The following LDB2 variants were observed in gnomAD, a reference collection of about 807,000 sequenced individuals.
LDB2 encodes LIM domain-binding protein 2.
Under a neutral mutation model 44.3 loss-of-function variants are expected in LDB2, and 12 were observed. That is an observed-to-expected ratio of 0.27 (90% confidence interval 0.17 to 0.44). LDB2 has a LOEUF of 0.44. LDB2 is among the 20% of genes least tolerant of loss of function. The pLI is 1.00. For missense variants in LDB2, 344 were observed against 473.5 expected, an observed-to-expected ratio of 0.73 and a Z score of 2.54; for synonymous variants, 164 against 174.8, an observed-to-expected ratio of 0.94 and a Z score of 0.49.
Position 16,815,936 on chromosome 4 carries a change from G to A in LDB2, c.133-56676C>T, listed in dbSNP as rs185831097. On this transcript the variant is annotated intron_variant, in intron 1 of 7. Transcript: ENST00000304523. Reference sequence around the variant, plus strand: ...AATCATATTACTTCAGGCCAGGCACGGTGGCTCATGCCTATAATCCCAGCA... The same window carrying A: ...AATCATATTACTTCAGGCCAGGCACAGTGGCTCATGCCTATAATCCCAGCA... Among the ~76,000 whole-genome samples, 6 of 152,234 alleles carry A rather than the reference G, an allele frequency of 3.9e-5. No homozygotes were observed. The East Asian group carries it at 5.8e-4, about 15-fold the overall frequency.
At chr4:16,648,916 T>C (rs1737513058) in intron 2 of LDB2, among the ~76,000 whole-genome samples, 1 of 152,186 alleles carries the variant, frequency 6.6e-6, no homozygotes, top group Admixed American at 6.5e-5. Context: ...TCTAAGTAAG[T>C]ACAAAGCAGG....
At chr4:16,776,246 A>G (rs1374500417) in intron 1 of LDB2, among the ~76,000 whole-genome samples, 1 of 152,226 alleles carries the variant, frequency 6.6e-6, no homozygotes, top group East Asian at 1.9e-4. Flanking sequence ...TCTGTCAAAT[A>G]TAAGGACAAT....
At chr4:16,553,653 T>G (rs1159424316) in intron 5 of LDB2, among the ~76,000 whole-genome samples, 1 of 152,216 alleles carries the variant, frequency 6.6e-6, no homozygotes, top group Non-Finnish European at 1.5e-5. Flanking sequence ...AAGCTTCTTT[T>G]CCTATCAGTT....
chr4:16,554,649 T>C (rs1283256000), intron 5 of LDB2, among the ~76,000 whole-genome samples: 2 of 152,180 alleles, frequency 1.3e-5, no homozygotes, highest in African/African-American at 4.8e-5. Flanking sequence ...TAAATGCATA[T>C]TGCTAAGTGA....
chr4:16,857,780 A>G (rs1789642832), intron 1 of LDB2, among the ~76,000 whole-genome samples: 2 of 151,916 alleles, frequency 1.3e-5, no homozygotes, highest in Non-Finnish European at 2.9e-5. Flanking sequence ...TTCTCTGACT[A>G]CCCTGTCTAA....
chr4:16,882,076 C>T (rs750734880), intron 1 of LDB2, among the ~76,000 whole-genome samples: 4 of 152,122 alleles, frequency 2.6e-5, no homozygotes, highest in African/African-American at 9.7e-5. Context: ...GTCTCAGTAC[C>T]GCAATCCTGG....
At chr4:16,717,403 C>A (rs1757305714) in intron 2 of LDB2, among the ~76,000 whole-genome samples, 1 of 152,048 alleles carries the variant, frequency 6.6e-6, no homozygotes, top group Non-Finnish European at 1.5e-5. Flanking sequence ...CAACCCCAAT[C>A]ATACCCCCTC....
intron 1 of LDB2, among the ~76,000 whole-genome samples, chr4:16,764,903 C>T (rs532286225): frequency 6.6e-5 from 10 of 152,244 alleles, no homozygotes; most frequent in African/African-American, 1.9e-4. Context: ...ATCCAGTTTC[C>T]GCTAAAGTTT....
chr4:16,656,181 T>C (rs1374657867), intron 2 of LDB2, among the ~76,000 whole-genome samples: 1 of 152,194 alleles, frequency 6.6e-6, no homozygotes, highest in African/African-American at 2.4e-5. Context: ...ATTACAGGCG[T>C]GAGCCACCGC....
At chr4:16,571,279 G>A (rs1231889280) in intron 5 of LDB2, among the ~76,000 whole-genome samples, 2 of 152,154 alleles carry the variant, frequency 1.3e-5, no homozygotes, top group Admixed American at 6.5e-5. Context: ...CATTAGCATA[G>A]GGATAAGAGC....
At chr4:16,518,073 T>C (rs968567869) in intron 5 of LDB2, among the ~76,000 whole-genome samples, 4 of 152,224 alleles carry the variant, frequency 2.6e-5, no homozygotes, top group Non-Finnish European at 2.9e-5. Flanking sequence ...CTTTGCACAA[T>C]GCATATGTAT....
intron 1 of LDB2, among the ~76,000 whole-genome samples, chr4:16,891,403 C>G (rs1479556946): frequency 6.7e-6 from 1 of 148,596 alleles, no homozygotes; most frequent in Non-Finnish European, 1.5e-5. Flanking sequence ...GCCTCCGTCT[C>G]CCAGGTTCAA....
chr4:16,636,031 A>G (rs1733503856), intron 2 of LDB2, among the ~76,000 whole-genome samples: 1 of 152,212 alleles, frequency 6.6e-6, no homozygotes, highest in Non-Finnish European at 1.5e-5. Flanking sequence ...TATATAAGTG[A>G]TGGGCCATGT....
intron 1 of LDB2, among the ~76,000 whole-genome samples, chr4:16,863,304 C>T (rs1007024284): frequency 7.9e-5 from 12 of 152,318 alleles, no homozygotes; most frequent in South Asian, 2.1e-4. Context: ...CTTCTCCTCT[C>T]TTAGCTAGTG....
At chr4:16,557,242 C>G (rs963436966) in intron 5 of LDB2, among the ~76,000 whole-genome samples, 1 of 152,164 alleles carries the variant, frequency 6.6e-6, no homozygotes, top group Non-Finnish European at 1.5e-5. Context: ...CGTGCGCAAG[C>G]CGAAGCAGGG....
intron 5 of LDB2, among the ~76,000 whole-genome samples, chr4:16,514,498 T>C (rs1230603533): frequency 6.6e-6 from 1 of 152,240 alleles, no homozygotes; most frequent in Non-Finnish European, 1.5e-5. Flanking sequence ...AACTGTCTCA[T>C]GTTCTCTTCC....
intron 1 of LDB2, among the ~76,000 whole-genome samples, chr4:16,852,680 TA>T (rs1436063574): frequency 6.6e-6 from 1 of 152,214 alleles, no homozygotes; most frequent in Non-Finnish European, 1.5e-5. Context: ...TTGTATGAAT[TA>T]AATACAAGAG....
At chr4:16,654,282 T>TCC (rs1180389384) in intron 2 of LDB2, among the ~76,000 whole-genome samples, 1 of 152,132 alleles carries the variant, frequency 6.6e-6, no homozygotes, top group African/African-American at 2.4e-5. Flanking sequence ...TCCCTCCAAA[T>TCC]CCCTGTTTTG....
At chr4:16,610,795 A>G (rs1265318438) in intron 2 of LDB2, among the ~76,000 whole-genome samples, 5 of 152,206 alleles carry the variant, frequency 3.3e-5, no homozygotes, top group South Asian at 2.1e-4. Flanking sequence ...CACCCTTCAC[A>G]ATATTATCCA....
Sources: allele counts gnomAD v4.1 joint callset (sites outside exome capture counted in the v4.1 genomes callset), GRCh38; gene constraint gnomAD v4.1.1; transcripts MANE v1.5; gene names NCBI Gene and HGNC (gene_info 2026-07-23, HGNC 2026-07-21).